The following NAA11 variants were observed in gnomAD, a reference collection of about 807,000 sequenced individuals.
NAA11 encodes N-alpha-acetyltransferase 11, NatA catalytic subunit.
Under a neutral mutation model 16.1 loss-of-function variants are expected in NAA11, and 15 were observed. That is an observed-to-expected ratio of 0.93 (90% CI 0.62 to 1.44). NAA11 has a LOEUF of 1.44. Among genes scored for constraint, NAA11 ranks in the 40% most tolerant of loss-of-function variants. The pLI, the probability that NAA11 is intolerant of heterozygous loss-of-function variation, is 0.00. For missense variants in NAA11, 298 were observed against 291.3 expected (o/e 1.02, Z -0.17); for synonymous variants, 122 against 112.4 (o/e 1.09, Z -0.54).
chr4:79,230,708 G>T (rs1553942555), intron 2 of NAA11, among the ~76,000 whole-genome samples: 1 of 151,586 alleles, frequency 6.6e-6, no homozygotes, highest in Non-Finnish European at 1.5e-5. Context: ...AACTAAAGGA[G>T]TTTTTTTTGC....
At chr4:79,201,518 T>C in the NAA11 span, among the ~76,000 whole-genome samples, 1 of 151,808 alleles carries the variant, frequency 6.6e-6, no homozygotes, top group Admixed American at 6.6e-5. Flanking sequence ...TACCAGGATG[T>C]TAATTTTTTC....
At chr4:79,309,473 A>C (rs1315876611) in intron 1 of NAA11, among the ~76,000 whole-genome samples, 1 of 152,098 alleles carries the variant, frequency 6.6e-6, no homozygotes, top group Non-Finnish European at 1.5e-5. Flanking sequence ...GTTTGCTATT[A>C]TATTTGGTAA....
intron 1 of NAA11, among the ~76,000 whole-genome samples, chr4:79,323,543 G>A (rs898602714): frequency 2.0e-5 from 3 of 152,176 alleles, no homozygotes; most frequent in East Asian, 3.9e-4. Flanking sequence ...AAATTAGGCC[G>A]GGCACGGTGG....
the NAA11 span, among the ~76,000 whole-genome samples, chr4:79,208,005 T>C: frequency 6.6e-6 from 1 of 152,140 alleles, no homozygotes; most frequent in East Asian, 1.9e-4. Context: ...GATCAAATTA[T>C]GATATGTAAG....
At chr4:79,312,514 C>T (rs1262718578), downstream of NAA11, among the ~76,000 whole-genome samples, 1 of 151,546 alleles carries the variant, frequency 6.6e-6, no homozygotes, top group Non-Finnish European at 1.5e-5. Context: ...AGCCAGGCGT[C>T]GTGGCACATA....
At chr4:79,241,975 C>T (rs1721706073) in intron 2 of NAA11, among the ~76,000 whole-genome samples, 1 of 152,156 alleles carries the variant, frequency 6.6e-6, no homozygotes. Flanking sequence ...TAAACATTGT[C>T]AATAGAGGGC....
intron 2 of NAA11, among the ~76,000 whole-genome samples, chr4:79,239,588 T>C (rs1392466451): frequency 6.6e-6 from 1 of 152,034 alleles, no homozygotes; most frequent in Non-Finnish European, 1.5e-5. Flanking sequence ...CTGTCCCAGC[T>C]ACTCAGGAAG....
At chr4:79,303,115 T>C (rs1307118320) in intron 1 of NAA11, among the ~76,000 whole-genome samples, 2 of 98,140 alleles carry the variant, frequency 2.0e-5, no homozygotes, top group African/African-American at 6.9e-5. Flanking sequence ...TATATATATA[T>C]ATATATACCT....
At chr4:79,194,035 G>T in the NAA11 span, among the ~76,000 whole-genome samples, 2 of 152,058 alleles carry the variant, frequency 1.3e-5, no homozygotes, top group Non-Finnish European at 2.9e-5. Flanking sequence ...TCTGTTATTG[G>T]TGTATAAGAA....
intron 2 of NAA11, among the ~76,000 whole-genome samples, chr4:79,283,661 A>T (rs1192295479): frequency 6.6e-6 from 1 of 152,154 alleles, no homozygotes; most frequent in Non-Finnish European, 1.5e-5. Context: ...TCAAACATAT[A>T]GAGAAGCAGA....
chr4:79,201,316 A>G, the NAA11 span, among the ~76,000 whole-genome samples: 1 of 151,740 alleles, frequency 6.6e-6, no homozygotes, highest in African/African-American at 2.4e-5. Context: ...CTTTATACAC[A>G]TAGCAAAATT....
chr4:79,264,689 G>A (rs1415857763), intron 2 of NAA11, among the ~76,000 whole-genome samples: 3 of 152,118 alleles, frequency 2.0e-5, no homozygotes, highest in Admixed American at 6.5e-5. Context: ...GTTTGCTGGG[G>A]CAGTGCTCTT....
At chr4:79,252,715 T>C (rs949279155) in intron 2 of NAA11, among the ~76,000 whole-genome samples, 2 of 151,806 alleles carry the variant, frequency 1.3e-5, no homozygotes, top group African/African-American at 4.8e-5. Context: ...GGCAGAAAAA[T>C]TTCAGGATTA....
At chr4:79,243,320 T>C (rs993318267) in intron 2 of NAA11, among the ~76,000 whole-genome samples, 4 of 152,174 alleles carry the variant, frequency 2.6e-5, no homozygotes, top group African/African-American at 7.2e-5. Flanking sequence ...GGAAGGGTGC[T>C]CCCTTTCCTC....
At chr4:79,290,026 A>G (rs1291469335) in intron 2 of NAA11, among the ~76,000 whole-genome samples, 1 of 152,162 alleles carries the variant, frequency 6.6e-6, no homozygotes, top group African/African-American at 2.4e-5. Flanking sequence ...CACAAATTGT[A>G]GTCCATATGA....
intron 2 of NAA11, among the ~76,000 whole-genome samples, chr4:79,247,657 G>C (rs1721870725): frequency 6.6e-6 from 1 of 152,118 alleles, no homozygotes; most frequent in African/African-American, 2.4e-5. Flanking sequence ...AAGGCATTGA[G>C]AGCAGACAGA....
chr4:79,215,438 C>A, the NAA11 span, among the ~76,000 whole-genome samples: 3 of 152,172 alleles, frequency 2.0e-5, no homozygotes, highest in Non-Finnish European at 2.9e-5. Flanking sequence ...TCCAGTCCCC[C>A]CTAAAAAGAA....
At chr4:79,274,198 G>A (rs1449863419) in intron 2 of NAA11, among the ~76,000 whole-genome samples, 1 of 152,080 alleles carries the variant, frequency 6.6e-6, no homozygotes, top group Non-Finnish European at 1.5e-5. Flanking sequence ...TCTTGGCTAT[G>A]AGTAATGCCT....
At chr4:79,155,444 A>G in the NAA11 span, among the ~76,000 whole-genome samples, 2 of 152,182 alleles carry the variant, frequency 1.3e-5, no homozygotes, top group East Asian at 1.9e-4. Flanking sequence ...TTATGTGTGA[A>G]GCTTTCCTTA....
Sources: allele counts gnomAD v4.1 joint callset (sites outside exome capture counted in the v4.1 genomes callset), GRCh38; gene constraint gnomAD v4.1.1; transcripts MANE v1.5; gene names NCBI Gene and HGNC (gene_info 2026-07-23, HGNC 2026-07-21).